The following DGKI variants were observed in gnomAD, a reference collection of about 807,000 sequenced individuals.
DGKI encodes the protein DAG kinase iota.
DGKI carries 55 observed loss-of-function variants against 147.5 expected under a neutral mutation model. The observed-to-expected ratio is 0.37, with a 90% CI of 0.30 to 0.47. The LOEUF (loss-of-function observed/expected upper bound fraction) is 0.47. DGKI is among the 20% of genes least tolerant of loss of function. The probability of loss-of-function intolerance (pLI) is 1.00; values close to 1 mark genes in which losing one functional copy is unlikely to be tolerated. For missense variants in DGKI, 1,007 were observed against 1,323.8 expected, an observed-to-expected ratio of 0.76 and a Z score of 3.71; for synonymous variants, 469 against 477.1, an observed-to-expected ratio of 0.98 and a Z score of 0.22.
intron 23 of DGKI, 29 bp from the exon 24 acceptor site, chr7:137,469,648 C>G: frequency 1.2e-6 from 2 of 1,606,650 alleles, no homozygotes. Context: ...ACTCTAGTGG[C>G]TGCATTTCAA....
intron 19 of DGKI, among the ~76,000 whole-genome samples, chr7:137,561,736 A>G (rs1367797636): frequency 7.0e-6 from 1 of 143,250 alleles, no homozygotes; most frequent in Admixed American, 7.9e-5. Flanking sequence ...AACAACAAAT[A>G]AAGAGAAAAT....
At chr7:137,554,297 T>C (rs1225668715) in intron 19 of DGKI, among the ~76,000 whole-genome samples, 1 of 152,246 alleles carries the variant, frequency 6.6e-6, no homozygotes, top group African/African-American at 2.4e-5. Flanking sequence ...TGGTCTAGGC[T>C]TAGCATCTTA....
intron 1 of DGKI, among the ~76,000 whole-genome samples, chr7:137,706,616 A>C (rs975484309): frequency 1.6e-4 from 23 of 144,750 alleles, no homozygotes; most frequent in African/African-American, 5.9e-4. Context: ...TGTGTAGCCT[A>C]GGCTGGAGTG....
intron 28 of DGKI, among the ~76,000 whole-genome samples, chr7:137,443,047 A>G (rs1302938736): frequency 6.6e-6 from 1 of 152,160 alleles, no homozygotes; most frequent in East Asian, 1.9e-4. Context: ...GGCAGAAAAG[A>G]TGGTGAGCTC....
intron 1 of DGKI, among the ~76,000 whole-genome samples, chr7:137,725,546 G>A: frequency 6.6e-6 from 1 of 151,658 alleles, no homozygotes; most frequent in East Asian, 1.9e-4. Flanking sequence ...AAAAAGAGAA[G>A]CTAGCAGAGG....
intron 27 of DGKI, among the ~76,000 whole-genome samples, chr7:137,451,212 T>C (rs1563026438): frequency 6.6e-6 from 1 of 152,220 alleles, no homozygotes. Context: ...GGAAGTAAGT[T>C]TGTTCCTCTG....
intron 21 of DGKI, among the ~76,000 whole-genome samples, chr7:137,495,571 G>C (rs1815936336): frequency 7.0e-6 from 1 of 143,250 alleles, no homozygotes; most frequent in Non-Finnish European, 1.5e-5. Context: ...CAAAATACTA[G>C]CAAACCAAAT....
At chr7:137,665,415 G>A (rs1460857129) in intron 3 of DGKI, among the ~76,000 whole-genome samples, 8 of 152,108 alleles carry the variant, frequency 5.3e-5, no homozygotes, top group Non-Finnish European at 4.4e-5. Context: ...CTACCCCTTG[G>A]GCAGCTTTGC....
At chr7:137,707,619 CCT>C (rs1183921916) in intron 1 of DGKI, among the ~76,000 whole-genome samples, 1 of 152,120 alleles carries the variant, frequency 6.6e-6, no homozygotes, top group Non-Finnish European at 1.5e-5. Flanking sequence ...ACCTCTCCAC[CCT>C]CTTTTTCTTC....
chr7:137,647,713 G>A (rs746863194), intron 5 of DGKI, among the ~76,000 whole-genome samples: 1 of 152,198 alleles, frequency 6.6e-6, no homozygotes, highest in Non-Finnish European at 1.5e-5. Flanking sequence ...CTTTGCAGCT[G>A]AGGCTACTGC....
chr7:137,442,258 T>G (rs968391661), intron 28 of DGKI, among the ~76,000 whole-genome samples: 11 of 152,208 alleles, frequency 7.2e-5, no homozygotes, highest in African/African-American at 2.7e-4. Context: ...AATTCTGAAG[T>G]GCTCTTAATC....
chr7:137,617,755 C>T (rs888418787), intron 8 of DGKI, among the ~76,000 whole-genome samples: 3 of 151,774 alleles, frequency 2.0e-5, no homozygotes, highest in African/African-American at 4.8e-5. Flanking sequence ...ACTGTAATAC[C>T]GCAAGATGTT....
At chr7:137,649,959 A>C (rs1039466235) in intron 5 of DGKI, among the ~76,000 whole-genome samples, 7 of 152,016 alleles carry the variant, frequency 4.6e-5, no homozygotes, top group African/African-American at 1.7e-4. Flanking sequence ...AGTGACCAAC[A>C]ATCTGTGCTC....
intron 21 of DGKI, among the ~76,000 whole-genome samples, chr7:137,493,019 C>T (rs1199749772): frequency 6.6e-6 from 1 of 152,144 alleles, no homozygotes; most frequent in Non-Finnish European, 1.5e-5. Flanking sequence ...TCCAAGGCCA[C>T]CCCCATACCA....
intron 5 of DGKI, among the ~76,000 whole-genome samples, chr7:137,651,436 C>T (rs1473311848): frequency 1.3e-5 from 2 of 152,064 alleles, no homozygotes; most frequent in Non-Finnish European, 2.9e-5. Context: ...GTTGAGAAGC[C>T]AGATTAACAG....
chr7:137,470,422 T>C (rs1278530288), intron 23 of DGKI, among the ~76,000 whole-genome samples: 1 of 152,232 alleles, frequency 6.6e-6, no homozygotes. Context: ...CTCTGGACTA[T>C]CTTTCTTTCT....
At chr7:137,648,529 C>T (rs932863495) in intron 5 of DGKI, among the ~76,000 whole-genome samples, 6 of 152,280 alleles carry the variant, frequency 3.9e-5, no homozygotes, top group East Asian at 1.9e-4. Context: ...ACATATACAA[C>T]GATTCTTCAG....
intron 19 of DGKI, among the ~76,000 whole-genome samples, chr7:137,561,208 G>A (rs1490578142): frequency 1.3e-5 from 2 of 152,028 alleles, no homozygotes; most frequent in Non-Finnish European, 2.9e-5. Flanking sequence ...AAAAAAAAAT[G>A]TAGTATGTAT....
chr7:137,460,330 T>C lies in DGKI; in HGVS notation c.2735+3159A>G, dbSNP rs562558400. 1.5e-4 allele frequency among the ~76,000 whole-genome samples: 23 copies of C among 152,292 alleles called. No individual in the cohort carries two copies. The South Asian group carries it at 4.8e-3, about 32-fold the overall frequency. ...TGCATTTTAAAAAATAATAGAATAT[T>C]AGAAATCACTATCGAAATAGAGAAA... On this transcript the variant is annotated intron_variant, in intron 27 of 32. Coordinates refer to ENST00000614521, the MANE Select transcript of DGKI (RefSeq NM_001321708.2).
Sources: allele counts gnomAD v4.1 joint callset (sites outside exome capture counted in the v4.1 genomes callset), GRCh38; gene constraint gnomAD v4.1.1; transcripts MANE v1.5; gene names NCBI Gene and HGNC (gene_info 2026-07-23, HGNC 2026-07-21).